ADGRD2: variants seen among roughly 807,000 people sequenced by gnomAD.
ADGRD2 encodes the protein G protein-coupled receptor PGR24.
Under a neutral mutation model 44.4 loss-of-function variants are expected in ADGRD2, and 71 were observed. The observed-to-expected ratio is 1.60, with a 90% CI of 1.32 to 1.95. The LOEUF (loss-of-function observed/expected upper bound fraction) is 1.95. ADGRD2 is among the 30% of genes most tolerant of loss of function. The pLI is 0.00. For missense variants in ADGRD2, 1,039 were observed against 512.4 expected, an observed-to-expected ratio of 2.03 and a Z score of -9.92; for synonymous variants, 481 against 224.8, an observed-to-expected ratio of 2.14 and a Z score of -10.19.
chr9:124,476,317 C>T (rs1449321938), intron 19 of ADGRD2, 40 bp from the exon 23 acceptor site: 1 of 678,448 alleles, frequency 1.5e-6, no homozygotes, highest in Non-Finnish European at 2.7e-6. Flanking sequence ...GAGAGGGCTT[C>T]CTGCCTTCGT....
rs568795305 is a variant in ADGRD2, at chr9:124,454,086, G to C, written c.1013G>C (p.Cys338Ser). 2.0e-5 allele frequency: 14 copies of C among 708,166 alleles called. No homozygotes were observed. The highest frequency in any genetic ancestry group is 2.3e-4 in the Middle Eastern group (1 of 4,258). The allele number at this position is 708,166 out of a possible 1,614,324, so 43.9% of individuals were successfully genotyped here. The change falls in exon 4 of 22, where the codon TGC becomes TCC. Residue 338 changes from cysteine to serine, a missense_variant. Transcript: ENST00000334810. This position sits in a 1 kb window ranked among gnomAD's most constrained non-coding sequence, Gnocchi z 4.5. ...CTGGAGCCGCAGCCCTTCCTCTGCT[G>C]CTACCGGACAGGTGCGCCCTGGCTG...
chr9:124,461,822 A>G (rs1564140282), intron 10 of ADGRD2, among the ~76,000 whole-genome samples: 1 of 151,740 alleles, frequency 6.6e-6, no homozygotes, highest in African/African-American at 2.4e-5. Flanking sequence ...ATCTCGGCTC[A>G]CTGCAACTTC....
chr9:124,468,995 C>G (rs1407994138), intron 14 of ADGRD2, among the ~76,000 whole-genome samples: 1 of 152,216 alleles, frequency 6.6e-6, no homozygotes, highest in Non-Finnish European at 1.5e-5. Context: ...TCCAGAGACG[C>G]CCAGCTGTAG....
chr9:124,457,926 A>G (rs1394146370), intron 8 of ADGRD2, among the ~76,000 whole-genome samples, 187 bp from the exon 12 acceptor site: 1 of 152,188 alleles, frequency 6.6e-6, no homozygotes, highest in African/African-American at 2.4e-5. Flanking sequence ...GGTTCAGCAC[A>G]TGGACTGTGG....
chr9:124,468,058 C>T, intron 12 of ADGRD2, 30 bp from the exon 16 acceptor site: 2 of 718,310 alleles, frequency 2.8e-6, no homozygotes, highest in Non-Finnish European at 5.2e-6. Flanking sequence ...CAGTGGTGTT[C>T]TTGTTAACTG....
At chr9:124,469,989 C>T (rs370102567) in intron 16 of ADGRD2, among the ~76,000 whole-genome samples, 181 of 152,304 alleles carry the variant, frequency 1.2e-3, no homozygotes, top group African/African-American at 3.9e-3. Flanking sequence ...CCGCATCGCC[C>T]TCTGGGGTCA....
chr9:124,452,348 G>C (rs1389969547), intron 1 of ADGRD2, 162 bp from the exon 5 acceptor site: 2 of 644,302 alleles, frequency 3.1e-6, no homozygotes, highest in African/African-American at 1.8e-5. Context: ...ATGACGAAAA[G>C]AGCTCTGCAA....
At chr9:124,455,923 C>G (rs1481939928) in intron 6 of ADGRD2, among the ~76,000 whole-genome samples, 2 of 152,166 alleles carry the variant, frequency 1.3e-5, no homozygotes, top group African/African-American at 4.8e-5. Flanking sequence ...CAAACCTGGT[C>G]CCCCTGTGGG....
At chr9:124,478,147 GA>G (rs1477379654) in intron 21 of ADGRD2, 133 bp from the exon 25 acceptor site, 1 of 152,456 alleles carries the variant, frequency 6.6e-6, no homozygotes, top group African/African-American at 2.4e-5. Context: ...ATGTTCCGAG[GA>G]TGGAGAAGCT....
At chr9:124,455,122 C>G (rs540077227) in exon 6 of ADGRD2, 14 of 700,256 alleles carry the variant, frequency 2.0e-5, no homozygotes, top group Non-Finnish European at 3.5e-5. Flanking sequence ...GCTCTCCCTC[C>G]GTGAAGTGAG....
At chr9:124,453,762 A>G in intron 3 of ADGRD2, 86 bp downstream of exon 6, 1 of 579,784 alleles carries the variant, frequency 1.7e-6, no homozygotes, top group South Asian at 1.8e-5. Context: ...CTTGCCAACC[A>G]AGCCACGCCT....
chr9:124,468,935 G>T (rs1020736332), intron 14 of ADGRD2, among the ~76,000 whole-genome samples: 2 of 151,976 alleles, frequency 1.3e-5, no homozygotes, highest in African/African-American at 4.8e-5. Context: ...CTCTCCATCC[G>T]CAGTGCTATC....
At chr9:124,453,798 C>A (rs545443624) in intron 3 of ADGRD2, 122 bp downstream of exon 6, 1 of 612,976 alleles carries the variant, frequency 1.6e-6, no homozygotes, top group Non-Finnish European at 2.9e-6. Context: ...CTCTCCAGGC[C>A]GCAGTGCCTG....
intron 12 of ADGRD2, 71 bp from the exon 16 acceptor site, chr9:124,468,017 A>T: frequency 1.4e-6 from 1 of 717,112 alleles, no homozygotes; most frequent in Non-Finnish European, 2.6e-6. Flanking sequence ...GGGATCGGGC[A>T]GGACAGGGCC....
At chr9:124,465,473 TC>T (rs1831802448) in intron 10 of ADGRD2, 1 of 151,662 alleles carries the variant, frequency 6.6e-6, no homozygotes, top group African/African-American at 2.4e-5. Flanking sequence ...TGTCTCAGCC[TC>T]CCGAGTAGCT....
In ADGRD2 at chr9:124,475,634, G is replaced by A. The variant is rs778885951; in HGVS notation, c.2845+19G>A. 2 of 646,984 alleles carry A rather than the reference G, an allele frequency of 3.1e-6. No homozygotes were observed. Among genetic ancestry groups the A allele is most frequent in the Admixed American group, 2.5e-5 (1 of 40,176 alleles). 40.1% of individuals were successfully genotyped at this position (646,984 alleles called of 1,614,324 possible). A position where few individuals can be genotyped will look rare whatever the true frequency, so the allele number is the denominator to read the frequency against. ...GGCCGAGGTGCTCAGGGCACTGGGG[G>A]TGTGGGTGGGGGCGGGAGGCCCCCA... is the stretch of plus-strand genomic sequence containing the variant. On this transcript the variant is annotated intron_variant, in intron 19 of 21. Coordinates refer to ENST00000334810, the Ensembl canonical transcript of ADGRD2.
chr9:124,469,587 T>C (rs1203065532), intron 16 of ADGRD2, 40 bp downstream of exon 19: 11 of 714,104 alleles, frequency 1.5e-5, no homozygotes, highest in Admixed American at 1.0e-4. Flanking sequence ...AAGCAGGAAG[T>C]GCACAGTCAG....
chr9:124,468,305 G>A lies in ADGRD2; in HGVS notation c.2233+115G>A, dbSNP rs1043425763. The A allele has an allele frequency of 5.8e-6, 4 of 693,660 alleles. No homozygotes were observed. In the African/African-American group the frequency reaches 7.0e-5, roughly 12 times the overall value. 43.0% of individuals were successfully genotyped at this position (693,660 alleles called of 1,614,324 possible). A position where few individuals can be genotyped will look rare whatever the true frequency, so the allele number is the denominator to read the frequency against. ...TTTCACATGGCTCCACTTCCCTGGG[G>A]AGGAGCAGGGCCCGGGGAGGAGCAG... On this transcript the variant is annotated intron_variant, in intron 13 of 21. Coordinates refer to ENST00000334810, the Ensembl canonical transcript of ADGRD2.
chr9:124,466,144 C>T (rs1467741554), intron 10 of ADGRD2, 114 bp from the exon 14 acceptor site: 7 of 472,922 alleles, frequency 1.5e-5, no homozygotes, highest in East Asian at 3.3e-5. Context: ...GGCGGTGACT[C>T]GCCAAGGTCA....
Sources: gnomAD v4.1 joint callset for allele counts (sites outside exome capture counted in the v4.1 genomes callset) on GRCh38, gnomAD v4.1.1 for gene constraint, Gnocchi (gnomAD v3.1) non-coding constraint, MANE v1.5 for transcripts, NCBI Gene and HGNC (gene_info 2026-07-23, HGNC 2026-07-21) for gene names.